Variants in DTNB observed in about 807,000 individuals in gnomAD.
DTNB encodes dystrobrevin beta.
In DTNB, 63 loss-of-function variants were observed where a neutral mutation model predicts 90.7. The observed-to-expected ratio is 0.69, with a 90% CI of 0.57 to 0.86. The LOEUF (loss-of-function observed/expected upper bound fraction) is 0.86. DTNB is among the 40% of genes least tolerant of loss of function. The pLI, the probability that DTNB is intolerant of heterozygous loss-of-function variation, is 0.00. For synonymous variants in DTNB, 277 were observed against 286.7 expected, an observed-to-expected ratio of 0.97 and a Z score of 0.34; for missense variants, 744 against 807.1, an observed-to-expected ratio of 0.92 and a Z score of 0.95.
At chr2:25,580,920 G>A in intron 6 of DTNB, 94 bp from the exon 7 acceptor site, 1 of 976,704 alleles carries the variant, frequency 1.0e-6, no homozygotes, top group South Asian at 1.6e-5. Context: ...AAACTTTAGT[G>A]AATTACACGG....
At chr2:25,653,432 TAAAA>T (rs530329843) in intron 1 of DTNB, among the ~76,000 whole-genome samples, 2 of 138,552 alleles carry the variant, frequency 1.4e-5, no homozygotes, top group African/African-American at 5.4e-5. Context: ...GTTTTTTTTT[TAAAA>T]AAAAAAAAAA....
intron 12 of DTNB, among the ~76,000 whole-genome samples, chr2:25,448,727 A>G (rs2058795226): frequency 6.6e-6 from 1 of 151,792 alleles, no homozygotes; most frequent in Admixed American, 6.6e-5. Flanking sequence ...GGTGGCGGGC[A>G]CCTGTAGTCC....
Position 25,634,390 on chromosome 2 carries a change from T to G in DTNB, c.148+4624A>C, listed in dbSNP as rs1445109881. 2.9e-4 allele frequency among the ~76,000 whole-genome samples: 25 copies of G among 86,348 alleles called. 1 individual carries two copies. Among genetic ancestry groups the G allele is most frequent in the Admixed American group, 6.4e-4 (5 of 7,864 alleles). 56.6% of individuals were successfully genotyped at this position (86,348 alleles called of 152,430 possible). A position where few individuals can be genotyped will look rare whatever the true frequency, so the allele number is the denominator to read the frequency against. On this transcript the variant is annotated intron_variant, in intron 3 of 20. Coordinates refer to ENST00000406818, the MANE Select transcript of DTNB (RefSeq NM_021907.5). ...CCCGTCCGGGAGGGAGGTGGGGGGG[T>G]CAGCCCCCCCGCCCGGCCACCCGCC...
At chr2:25,552,841 A>ATTTTTTTTTTTTTT (rs544243784) in intron 8 of DTNB, among the ~76,000 whole-genome samples, 12 of 86,036 alleles carry the variant, frequency 1.4e-4, no homozygotes, top group Non-Finnish European at 2.3e-4. Flanking sequence ...TCTCTTTTTG[A>ATTTTTTTTTTTTTT]TTTTTTTTTT....
chr2:25,379,404 C>A, intron 19 of DTNB, 81 bp from the exon 20 acceptor site: 1 of 1,276,458 alleles, frequency 7.8e-7, no homozygotes, highest in East Asian at 2.9e-5. Flanking sequence ...AAGGGGCTTC[C>A]CTGACCAACC....
In DTNB at chr2:25,386,094, T is replaced by C. The variant is rs999482530; in HGVS notation, c.1825+1195A>G. ...GTACAGAGCGGGGCCGTGCTTCTGA[T>C]GGGGGTTGAGAAACAGTGCTAGAAT... On this transcript the variant is annotated intron_variant, in intron 18 of 20. Transcript: ENST00000406818. 9 of 985,308 alleles carry C rather than the reference T, an allele frequency of 9.1e-6. No individual in the cohort carries two copies. In the African/African-American group the frequency reaches 1.2e-4, roughly 13 times the overall value. 61.0% of individuals were successfully genotyped at this position (985,308 alleles called of 1,614,324 possible).
intron 8 of DTNB, among the ~76,000 whole-genome samples, chr2:25,572,803 C>A (rs1303654938): frequency 6.6e-6 from 1 of 152,100 alleles, no homozygotes; most frequent in African/African-American, 2.4e-5. Context: ...TTCCATGTGC[C>A]AGTAACCACA....
chr2:25,387,120 A>G lies in DTNB; in HGVS notation c.1825+169T>C. 1 of 588,346 alleles carries G rather than the reference A, an allele frequency of 1.7e-6. No individual in the cohort carries two copies. The allele number at this position is 588,346 out of a possible 1,614,324, so 36.4% of individuals were successfully genotyped here. On this transcript the variant is annotated intron_variant, in intron 18 of 20. Coordinates refer to ENST00000406818, the MANE Select transcript of DTNB (RefSeq NM_021907.5). The surrounding 1 kb of genome is among the most constrained non-coding windows in gnomAD (Gnocchi z 4.5). Reference sequence around the variant, plus strand: ...GCCCCTACGCGATCCTGTGTGACAGAGGCTCTCTGGGTGGAGACATCCAGT... The same window carrying G: ...GCCCCTACGCGATCCTGTGTGACAGGGGCTCTCTGGGTGGAGACATCCAGT...
chr2:25,562,818 G>A (rs954533308), intron 8 of DTNB, among the ~76,000 whole-genome samples: 3 of 151,296 alleles, frequency 2.0e-5, no homozygotes, highest in East Asian at 3.9e-4. Context: ...TGTCACCCAC[G>A]CTGCAGTGCA....
At chr2:25,560,363 A>G (rs909751079) in intron 8 of DTNB, among the ~76,000 whole-genome samples, 1 of 152,238 alleles carries the variant, frequency 6.6e-6, no homozygotes, top group Non-Finnish European at 1.5e-5. Flanking sequence ...TGAGATTAAC[A>G]TTTATATTGG....
intron 1 of DTNB, among the ~76,000 whole-genome samples, chr2:25,658,767 A>G (rs2082564463): frequency 6.6e-6 from 1 of 152,242 alleles, no homozygotes; most frequent in African/African-American, 2.4e-5. Flanking sequence ...TGGGGAAAGC[A>G]GGCAGTGAAC....
intron 8 of DTNB, among the ~76,000 whole-genome samples, chr2:25,542,915 G>GA (rs976059673): frequency 2.0e-4 from 30 of 148,836 alleles, no homozygotes; most frequent in Admixed American, 7.4e-4. Context: ...TTGTGTATTT[G>GA]AAAAAAAAAT....
intron 16 of DTNB, chr2:25,388,690 G>T: frequency 3.5e-6 from 1 of 283,704 alleles, no homozygotes; most frequent in Non-Finnish European, 6.6e-6. Context: ...GGCTTGCAGG[G>T]CAGGAAGTAA....
chr2:25,482,151 G>C (rs1478570763), intron 10 of DTNB, among the ~76,000 whole-genome samples: 2 of 152,164 alleles, frequency 1.3e-5, no homozygotes, highest in African/African-American at 4.8e-5. Context: ...CTGGGTCATG[G>C]AACAGCTTAT....
chr2:25,568,068 G>T (rs10469883), intron 8 of DTNB, among the ~76,000 whole-genome samples: 1 of 151,726 alleles, frequency 6.6e-6, no homozygotes, highest in Admixed American at 6.6e-5. Flanking sequence ...TGAAGCAGGA[G>T]AATCGCTTGA....
intron 8 of DTNB, among the ~76,000 whole-genome samples, chr2:25,544,792 T>C (rs2151050825): frequency 6.6e-6 from 1 of 152,356 alleles, no homozygotes; most frequent in South Asian, 2.1e-4. Context: ...GTAATTATTA[T>C]TTATACCTGG....
intron 6 of DTNB, among the ~76,000 whole-genome samples, chr2:25,585,055 C>A (rs1291421242): frequency 6.6e-6 from 1 of 152,064 alleles, no homozygotes; most frequent in Non-Finnish European, 1.5e-5. Flanking sequence ...CTCTTTTTGT[C>A]CCCTATCTTT....
At chr2:25,577,026 G>A in intron 7 of DTNB, 22 bp from the exon 8 acceptor site, 2 of 1,564,652 alleles carry the variant, frequency 1.3e-6, no homozygotes, top group Non-Finnish European at 1.7e-6. Context: ...GAGAGAAAAG[G>A]GGAGAAAAAA....
chr2:25,466,024 T>C (rs887972871), intron 10 of DTNB, among the ~76,000 whole-genome samples: 4 of 152,070 alleles, frequency 2.6e-5, no homozygotes, highest in African/African-American at 9.7e-5. Flanking sequence ...AAAGATGAAA[T>C]AATCAGTTAC....
Sources: gnomAD v4.1 joint callset for allele counts (sites outside exome capture counted in the v4.1 genomes callset) on GRCh38, gnomAD v4.1.1 for gene constraint, Gnocchi (gnomAD v3.1) non-coding constraint, MANE v1.5 for transcripts, NCBI Gene and HGNC (gene_info 2026-07-23, HGNC 2026-07-21) for gene names.